The following GPSM1 variants were observed in gnomAD, a reference collection of about 807,000 sequenced individuals.
GPSM1 encodes G protein-signaling modulator 1.
Under a neutral mutation model 70.5 loss-of-function variants are expected in GPSM1, and 48 were observed. The ratio of observed to expected loss-of-function variants is 0.68; its 90% CI spans 0.54 to 0.87. The LOEUF (loss-of-function observed/expected upper bound fraction) is 0.87. Among genes scored for constraint, GPSM1 ranks in the 40% least tolerant of loss-of-function variants. The pLI, the probability that GPSM1 is intolerant of heterozygous loss-of-function variation, is 0.00. For missense variants in GPSM1, 981 were observed against 972.6 expected (o/e 1.01, Z -0.11); for synonymous variants, 416 against 430.1 (o/e 0.97, Z 0.41).
Position 136,340,849 on chromosome 9 carries a change from C to T in GPSM1, c.1084-21C>T, listed in dbSNP as rs765294929. The T allele has an allele frequency of 3.9e-6, 6 of 1,552,024 alleles. No individual in the cohort carries two copies. The highest frequency in any genetic ancestry group is 2.3e-4 in the Middle Eastern group (1 of 4,426). On this transcript the variant is annotated intron_variant, in intron 8 of 13. Coordinates refer to ENST00000440944, the MANE Select transcript of GPSM1 (RefSeq NM_001145638.3). This position sits in a 1 kb window ranked among gnomAD's most constrained non-coding sequence, Gnocchi z 7.3. ...GGGCCCCCAGCCACACCTGCCCGCT[C>T]CGCCACCCCACTCGCCGCAGATCGG...
In GPSM1 at chr9:136,328,470, G is replaced by A. The variant is rs542069347; in HGVS notation, c.68+707G>A. ...GCGTGAGGTCCAGGCAGGGGCTTGC[G>A]AATGGGTGGCAGCCGTCAGAGGCAG... On this transcript the variant is annotated intron_variant, in intron 1 of 13. Transcript: ENST00000440944. 5.0e-4 allele frequency among the ~76,000 whole-genome samples: 76 copies of A among 152,338 alleles called. 1 individual carries two copies. Among genetic ancestry groups the A allele is most frequent in the Non-Finnish European group, 4.9e-4 (33 of 68,020 alleles).
intron 1 of GPSM1, among the ~76,000 whole-genome samples, chr9:136,328,561 T>G (rs1346707484): frequency 6.6e-6 from 1 of 152,088 alleles, no homozygotes; most frequent in Non-Finnish European, 1.5e-5. Flanking sequence ...GTGACCTCCC[T>G]GATAGGGGTC....
In GPSM1 at chr9:136,343,434, C is replaced by T. The variant is rs1275932265; in HGVS notation, c.1207+2441C>T. Among the ~76,000 whole-genome samples, 1 of 152,234 alleles carries T rather than the reference C, an allele frequency of 6.6e-6. No homozygotes were observed. The highest frequency in any genetic ancestry group is 1.5e-5 in the Non-Finnish European group (1 of 68,032). ...CCTGTCCCACAGGATGTGCGACTGC[C>T]CTCGGCCCTGCTGACCGTACTTCTC... On this transcript the variant is annotated intron_variant, in intron 9 of 13. Coordinates refer to ENST00000440944, the MANE Select transcript of GPSM1 (RefSeq NM_001145638.3). The surrounding 1 kb of genome is among the most constrained non-coding windows in gnomAD (Gnocchi z 6.0).
In GPSM1 at chr9:136,337,017, G is replaced by T; in HGVS notation, c.523G>T (p.Gly175Trp). ...CGCCGCAAACGCCACGCAGGACCCC[G>T]GGCACCTGCCGCCCGATGTCCGAGA... The part of the protein sequence containing the change: ...WNAANATQDP[G>W]HLPPDVRETL... Residue 175 changes from glycine to tryptophan, a missense_variant, in exon 4 of 14, where the codon GGG becomes TGG. Gly to Trp is a radical substitution (Grantham distance 184). Transcript: ENST00000440944. 6.4e-7 allele frequency: 1 copy of T among 1,552,256 alleles called. No homozygotes were observed. The highest frequency in any genetic ancestry group is 2.4e-5 in the East Asian group (1 of 41,192).
At chr9:136,335,918 G>A (rs1554769130) in intron 2 of GPSM1, 48 bp from the exon 3 acceptor site, 15 of 1,595,412 alleles carry the variant, frequency 9.4e-6, no homozygotes, top group Non-Finnish European at 1.0e-5. Context: ...CGGGCCCAGA[G>A]GCCTGACCAG....
intron 11 of GPSM1, 84 bp downstream of exon 11, chr9:136,349,847 C>T: frequency 7.5e-7 from 1 of 1,337,276 alleles, no homozygotes; most frequent in Non-Finnish European, 1.0e-6. Flanking sequence ...GCCAACGGGG[C>T]CAGGTCAGGC....
At position 136,356,502 on chromosome 9, in the gene GPSM1, G is replaced by C; in HGVS notation, c.1773G>C (p.Glu591Asp). ...CAGGGCACCTCCGAGGCCACGGCGAGCCCCAGGAGCCGGGGGACGACTTCT... is the reference window on the plus strand; with the variant it reads ...CAGGGCACCTCCGAGGCCACGGCGACCCCCAGGAGCCGGGGGACGACTTCT... ...SNAGHLRGHG[E>D]PQEPGDDFFN... The change falls in exon 13 of 14, where the codon GAG becomes GAC. Residue 591 changes from glutamate to aspartate, a missense_variant. By Grantham distance (45) the Glu-to-Asp change is conservative. Coordinates refer to ENST00000440944, the MANE Select transcript of GPSM1 (RefSeq NM_001145638.3). 3 of 1,611,880 alleles carry C rather than the reference G, an allele frequency of 1.9e-6. No individual in the cohort carries two copies. The highest frequency in any genetic ancestry group is 2.5e-6 in the Non-Finnish European group (3 of 1,179,354).
chr9:136,353,979 T>TCCCCTCC (rs1424646291), intron 11 of GPSM1, among the ~76,000 whole-genome samples: 2 of 152,128 alleles, frequency 1.3e-5, no homozygotes, highest in Admixed American at 1.3e-4. Context: ...CTCCCCTCCC[T>TCCCCTCC]CCTGGCTGGG....
chr9:136,354,702 C>A, intron 11 of GPSM1: 2 of 502,538 alleles, frequency 4.0e-6, no homozygotes, highest in Non-Finnish European at 5.1e-6. Flanking sequence ...CTTGGGGGGC[C>A]ACAGGAGACC....
At chr9:136,355,649 C>T (rs782182060) in intron 11 of GPSM1, 41 bp from the exon 12 acceptor site, 18 of 1,594,966 alleles carry the variant, frequency 1.1e-5, no homozygotes, top group Middle Eastern at 1.7e-4. Flanking sequence ...TGGGGGTCTG[C>T]GGGGCTAGCT....
chr9:136,338,364 AC>A (rs539968910), intron 6 of GPSM1, among the ~76,000 whole-genome samples, 190 bp from the exon 7 acceptor site: 7 of 151,684 alleles, frequency 4.6e-5, no homozygotes, highest in Non-Finnish European at 1.0e-4. Context: ...GCCTGGCAGG[AC>A]CCCCCGTCCC....
At chr9:136,356,076 A>AG (rs1212574931) in intron 12 of GPSM1, among the ~76,000 whole-genome samples, 1 of 151,968 alleles carries the variant, frequency 6.6e-6, no homozygotes, top group Non-Finnish European at 1.5e-5. Context: ...AGTCTCAGGG[A>AG]GGGGGCAGGG....
At chr9:136,338,007 G>A (rs1554769593) in intron 6 of GPSM1, 46 bp downstream of exon 6, 5 of 1,278,932 alleles carry the variant, frequency 3.9e-6, no homozygotes, top group East Asian at 4.8e-5. Flanking sequence ...GGCCGGGGGG[G>A]CTGGATGCCA....
intron 13 of GPSM1, 80 bp downstream of exon 13, chr9:136,356,630 G>A (rs138764100): frequency 1.9e-5 from 20 of 1,048,184 alleles, no homozygotes; most frequent in Non-Finnish European, 2.8e-5. Context: ...GTCCTGAGGG[G>A]TGAGGTGGGC....
chr9:136,336,458 C>T (rs558212351), intron 3 of GPSM1, among the ~76,000 whole-genome samples: 5 of 152,314 alleles, frequency 3.3e-5, no homozygotes, highest in South Asian at 2.1e-4. Context: ...ATTTCAATGG[C>T]GGTGGTGACA....
chr9:136,339,921 A>G, intron 8 of GPSM1, 106 bp downstream of exon 8: 1 of 715,228 alleles, frequency 1.4e-6, no homozygotes, highest in African/African-American at 1.7e-5. Context: ...GGCCCCCCTC[A>G]TCCTTTCAGG....
chr9:136,344,715 T>G (rs200685850), intron 9 of GPSM1, among the ~76,000 whole-genome samples: 1 of 91,758 alleles, frequency 1.1e-5, no homozygotes, highest in African/African-American at 3.5e-5. Flanking sequence ...TGGGCAGAGA[T>G]AACAGCCTGT....
At position 136,334,624 on chromosome 9, in the gene GPSM1, C is replaced by T. The variant is rs556468040; in HGVS notation, c.246C>T (p.His82=). The change falls in exon 2 of 14, where the codon CAC becomes CAT. Residue 82 remains histidine (H), a synonymous_variant. Coordinates refer to ENST00000440944, the MANE Select transcript of GPSM1 (RefSeq NM_001145638.3). The stretch of plus-strand genomic sequence containing the variant: ...ACGCCTACTTCTACCTGAAGGAGCA[C>T]GGCCGGGCGCTGGAATACCACAAGC... ...LGNAYFYLKE[H]GRALEYHKHD... is the part of the protein sequence containing the mutation. The T allele has an allele frequency of 1.9e-4, 304 of 1,612,790 alleles. 2 individuals are homozygous for T. The South Asian group carries it at 2.7e-3, about 14-fold the overall frequency.
At chr9:136,347,001 C>T (rs1260757625) in intron 9 of GPSM1, among the ~76,000 whole-genome samples, 4 of 152,186 alleles carry the variant, frequency 2.6e-5, no homozygotes, top group Non-Finnish European at 4.4e-5. Context: ...CTAACTTTGA[C>T]GAGTGCCCCA....
Sources: allele counts gnomAD v4.1 joint callset (sites outside exome capture counted in the v4.1 genomes callset), GRCh38; gene constraint gnomAD v4.1.1; non-coding constraint Gnocchi (gnomAD v3.1); transcripts MANE v1.5; gene names NCBI Gene and HGNC (gene_info 2026-07-23, HGNC 2026-07-21).